The following RIPOR3 variants were observed in gnomAD, a reference collection of about 807,000 sequenced individuals.
The protein encoded by RIPOR3 is RIPOR family member 3.
In RIPOR3, 95 loss-of-function variants were observed where a neutral mutation model predicts 114.3. That is an observed-to-expected ratio of 0.83 (90% CI 0.70 to 0.99). The LOEUF (loss-of-function observed/expected upper bound fraction) is 0.99, where lower values mean the gene tolerates loss of function less well. Among genes scored for constraint, RIPOR3 ranks in the 50% least tolerant of loss-of-function variants. The pLI is 0.00. For missense variants in RIPOR3, 1,252 were observed against 1,266.9 expected (o/e 0.99, Z 0.18); for synonymous variants, 575 against 543.8 (o/e 1.06, Z -0.80).
rs997176187 is a variant in RIPOR3, at chr20:50,596,073, G to A, written c.1914+67C>T. 6 of 1,601,768 alleles carry A rather than the reference G, an allele frequency of 3.7e-6. No individual in the cohort carries two copies. In the Admixed American group the frequency reaches 5.0e-5, roughly 13 times the overall value. On this transcript the variant is annotated intron_variant, in intron 15 of 21. Coordinates refer to ENST00000327979, the MANE Select transcript of RIPOR3 (RefSeq NM_001290268.2). ...TCATGCTTCCCACCACCTTCAAGAT[G>A]AGCCTTTGCAAAGAGGACTCCAAAC...
rs150425695 is a variant in RIPOR3, at chr20:50,656,740, C to T, written c.4-25884G>A. ...GTCTCGAACTCCTGACCTCATGATC[C>T]GCCCACCTCGGCCTCCCAAAGTGCT... is the stretch of plus-strand genomic sequence containing the variant. On this transcript the variant is annotated intron_variant, in intron 1 of 21. Transcript: ENST00000327979. Among the ~76,000 whole-genome samples, 364 of 152,220 alleles carry T rather than the reference C, an allele frequency of 2.4e-3. 2 individuals carry two copies. The highest frequency in any genetic ancestry group is 0.01 in the Middle Eastern group (3 of 292).
chr20:50,629,236 A>T (rs573790746), intron 2 of RIPOR3, among the ~76,000 whole-genome samples: 21 of 152,110 alleles, frequency 1.4e-4, no homozygotes, highest in Non-Finnish European at 2.6e-4. Context: ...GGGGAAGAGC[A>T]TGGTGGGATT....
intron 1 of RIPOR3, among the ~76,000 whole-genome samples, chr20:50,631,954 T>G (rs1006262090): frequency 6.6e-6 from 1 of 152,124 alleles, no homozygotes; most frequent in Non-Finnish European, 1.5e-5. Flanking sequence ...AGACAAAACC[T>G]ACGAAAAAGC....
chr20:50,626,146 G>T (rs536001670), intron 2 of RIPOR3, among the ~76,000 whole-genome samples: 1 of 152,374 alleles, frequency 6.6e-6, no homozygotes, highest in South Asian at 2.1e-4. Context: ...ACCCAATCAG[G>T]CTCCAGCCCT....
chr20:50,608,638 G>C lies in RIPOR3; in HGVS notation c.785C>G (p.Thr262Arg). The change falls in exon 10 of 22, where the codon ACG (threonine) becomes AGG (arginine). Residue 262 changes from threonine to arginine, a missense_variant. Physicochemically the swap from Thr to Arg is moderately conservative, Grantham distance 71. Transcript: ENST00000327979. ...CTTGATGTCCAGGTTCTCATGCAGC[G>C]TGGGGATGAAGGCCTTCTCCTCTTC... The part of the protein sequence containing the change: ...WDEEEKAFIP[T>R]LHENLDIKVT... 1 of 1,614,028 alleles carries C rather than the reference G, an allele frequency of 6.2e-7. No homozygotes were observed. Among genetic ancestry groups the C allele is most frequent in the Non-Finnish European group, 8.5e-7 (1 of 1,179,914 alleles).
At position 50,669,820 on chromosome 20, in the gene RIPOR3, G is replaced by T. The variant is rs147076745; in HGVS notation, c.3+21306C>A. Among the ~76,000 whole-genome samples, 354 of 151,938 alleles carry T rather than the reference G, an allele frequency of 2.3e-3. 2 individuals carry two copies. The highest frequency in any genetic ancestry group is 8.3e-3 in the African/African-American group (342 of 41,436). On this transcript the variant is annotated intron_variant, in intron 1 of 21. Transcript: ENST00000327979. ...CTGCAGAAGGGTCTGGGAGTAGATG[G>T]CTCAGGTAGGGGTCAGATGCAGTAG... is the stretch of plus-strand genomic sequence containing the variant.
chr20:50,611,013 C>CT, intron 5 of RIPOR3, 107 bp from the exon 6 acceptor site: 2 of 281,236 alleles, frequency 7.1e-6, no homozygotes, highest in South Asian at 8.6e-5. Flanking sequence ...AATGGGGCCC[C>CT]TCACCATCCC....
At chr20:50,643,744 C>T (rs1283364176) in intron 1 of RIPOR3, among the ~76,000 whole-genome samples, 3 of 146,080 alleles carry the variant, frequency 2.1e-5, no homozygotes, top group Admixed American at 7.0e-5. Flanking sequence ...CTCACTCTGT[C>T]GCCCAGGCTG....
chr20:50,687,654 C>T (rs532188541), intron 1 of RIPOR3, among the ~76,000 whole-genome samples: 1 of 152,170 alleles, frequency 6.6e-6, no homozygotes, highest in Non-Finnish European at 1.5e-5. Context: ...GTAATCCCAA[C>T]ACTTTGGGAG....
chr20:50,621,832 G>A (rs1334478362), intron 2 of RIPOR3, among the ~76,000 whole-genome samples: 2 of 152,230 alleles, frequency 1.3e-5, no homozygotes, highest in African/African-American at 4.8e-5. Context: ...GGAGTTGGGA[G>A]TGTGGACTGG....
intron 12 of RIPOR3, among the ~76,000 whole-genome samples, chr20:50,604,107 G>C (rs1219605156): frequency 6.6e-6 from 1 of 151,930 alleles, no homozygotes; most frequent in African/African-American, 2.4e-5. Flanking sequence ...GCTTGAACCT[G>C]GGAGGAGGTG....
chr20:50,616,110 T>C, intron 3 of RIPOR3, 30 bp from the exon 4 acceptor site: 1 of 1,599,138 alleles, frequency 6.3e-7, no homozygotes, highest in Middle Eastern at 1.7e-4. Flanking sequence ...GAGTTTCAAA[T>C]GGAAGAGGAA....
At chr20:50,634,355 T>C (rs2084916731) in intron 1 of RIPOR3, among the ~76,000 whole-genome samples, 1 of 152,148 alleles carries the variant, frequency 6.6e-6, no homozygotes, top group African/African-American at 2.4e-5. Flanking sequence ...ATTGGCTTCC[T>C]GGCTAAACCC....
In RIPOR3 at chr20:50,620,143, G is replaced by T; in HGVS notation, c.123-11C>A. ...CTGTTGATGGACTTTCTGTGAGAAG[G>T]GTTGGAGGGCAAGAGAAGTCAGAGA... On this transcript the variant is annotated splice_polypyrimidine_tract_variant and intron_variant, in intron 2 of 21. Coordinates refer to ENST00000327979, the MANE Select transcript of RIPOR3 (RefSeq NM_001290268.2). 6.2e-7 allele frequency: 1 copy of T among 1,612,650 alleles called. No homozygotes were observed. The highest frequency in any genetic ancestry group is 2.2e-5 in the East Asian group (1 of 44,876).
rs760966539 is a variant in RIPOR3, at chr20:50,630,794, G to T, written c.66C>A (p.Val22=). 17 of 1,612,042 alleles carry T rather than the reference G, an allele frequency of 1.1e-5. No individual in the cohort carries two copies. The highest frequency in any genetic ancestry group is 1.4e-5 in the Non-Finnish European group (16 of 1,179,576). Residue 22 remains valine, a synonymous_variant, in exon 2 of 22, where the codon GTC becomes GTA. Transcript: ENST00000327979. ...LSPGDTGAVG[V]VGRSASFAGF... ...CTGCGAAGGAGGCGCTCCGGCCCACGACCCCCACGGCCCCTGTGTCCCCAG... is the reference window on the plus strand; with the variant it reads ...CTGCGAAGGAGGCGCTCCGGCCCACTACCCCCACGGCCCCTGTGTCCCCAG...
chr20:50,641,375 C>A (rs962000432), intron 1 of RIPOR3, among the ~76,000 whole-genome samples: 1 of 152,072 alleles, frequency 6.6e-6, no homozygotes, highest in African/African-American at 2.4e-5. Context: ...CCACTGCACC[C>A]GGCTAATTTT....
intron 1 of RIPOR3, among the ~76,000 whole-genome samples, chr20:50,677,376 T>C (rs1038826261): frequency 6.7e-6 from 1 of 148,312 alleles, no homozygotes; most frequent in East Asian, 2.0e-4. Context: ...ACTTTTTTTT[T>C]TTTTTTTTTT....
At chr20:50,628,384 C>T (rs2426174) in intron 2 of RIPOR3, among the ~76,000 whole-genome samples, 11,190 of 152,128 alleles carry the variant, frequency 0.074, 1,345 homozygotes, top group African/African-American at 0.25. Context: ...GGTCCTCCTC[C>T]CTCCCTGACT....
intron 1 of RIPOR3, among the ~76,000 whole-genome samples, chr20:50,664,872 C>T (rs2086128303): frequency 6.6e-6 from 1 of 152,106 alleles, no homozygotes; most frequent in South Asian, 2.1e-4. Context: ...GAGGCCGGGG[C>T]AGGAGGATCA....
Sources: allele counts gnomAD v4.1 joint callset (sites outside exome capture counted in the v4.1 genomes callset), GRCh38; gene constraint gnomAD v4.1.1; transcripts MANE v1.5; gene names NCBI Gene and HGNC (gene_info 2026-07-23, HGNC 2026-07-21).